SLFN14: variants seen among roughly 807,000 people sequenced by gnomAD.
The protein encoded by SLFN14 is schlafen family member 14, also known as protein SLFN14.
Under a neutral mutation model 58.6 loss-of-function variants are expected in SLFN14, and 47 were observed. That is an observed-to-expected ratio of 0.80 (90% confidence interval 0.64 to 1.02). The LOEUF is 1.02. Ranked by LOEUF, SLFN14 falls within the 50% of genes least tolerant of loss-of-function variation. The pLI is 0.00. For synonymous variants in SLFN14, 390 were observed against 387.3 expected, an observed-to-expected ratio of 1.01 and a Z score of -0.08; for missense variants, 967 against 1,078.4, an observed-to-expected ratio of 0.90 and a Z score of 1.45.
chr17:35,553,482 A>C, intron 4 of SLFN14, 38 bp from the exon 5 acceptor site: 1 of 1,448,880 alleles, frequency 6.9e-7, no homozygotes, highest in Non-Finnish European at 9.2e-7. Context: ...AAAACTTACA[A>C]AAGCATGTGG....
intron 1 of SLFN14, among the ~76,000 whole-genome samples, chr17:35,560,009 A>G (rs1341900268): frequency 6.6e-6 from 1 of 152,192 alleles, no homozygotes; most frequent in African/African-American, 2.4e-5. Flanking sequence ...TCTCCTCTAT[A>G]ATATTGCCAA....
At chr17:35,555,179 T>C (rs2072639517) in intron 3 of SLFN14, among the ~76,000 whole-genome samples, 1 of 152,038 alleles carries the variant, frequency 6.6e-6, no homozygotes, top group Non-Finnish European at 1.5e-5. Context: ...AAGACCATCC[T>C]GGCTAACACG....
intron 5 of SLFN14, among the ~76,000 whole-genome samples, chr17:35,551,839 A>G (rs1020084252): frequency 1.3e-5 from 2 of 152,264 alleles, no homozygotes; most frequent in African/African-American, 2.4e-5. Flanking sequence ...CGTAGAGCAG[A>G]GGAGCTTCAA....
chr17:35,544,090 G>C lies in SLFN14; in HGVS notation c.*4149C>G, dbSNP rs935363000. ...GGAACTTGGCTCCAGGCCATGAGTT[G>C]AGTTCAAGTTGGATTCACATATCTC... On this transcript the variant is annotated 3_prime_UTR_variant, in exon 6 of 6. Coordinates refer to ENST00000674182, the MANE Select transcript of SLFN14 (RefSeq NM_001129820.2). Among the ~76,000 whole-genome samples, 19 of 152,220 alleles carry C rather than the reference G, an allele frequency of 1.2e-4. No homozygotes were observed. Among genetic ancestry groups the C allele is most frequent in the Non-Finnish European group, 1.5e-5 (1 of 68,042 alleles).
chr17:35,548,824 A>T lies in SLFN14; in HGVS notation c.2154T>A (p.Pro718=). Residue 718 remains proline, a synonymous_variant, in exon 6 of 6, where the codon CCT becomes CCA. Transcript: ENST00000674182. ...IHHADVNGLP[P]PSAQFPRKTI... The stretch of plus-strand genomic sequence containing the variant: ...TTTTTCGAGGAAACTGAGCAGATGG[A>T]GGGGGAAGGCCATTGACATCTGCGT... The T allele has an allele frequency of 6.4e-7, 1 of 1,551,682 alleles. No homozygotes were observed. The highest frequency in any genetic ancestry group is 8.7e-7 in the Non-Finnish European group (1 of 1,146,978).
Position 35,553,106 on chromosome 17 carries a change from G to A in SLFN14, c.1528C>T (p.Pro510Ser). Reference protein sequence around the residue: ...GGYTGKVCIIPRLIHLSSTQS... With the variant: ...GGYTGKVCIISRLIHLSSTQS... The stretch of plus-strand genomic sequence containing the variant: ...GTGCTGCTCAGGTGTATCAGCCTTG[G>A]AATGATGCACACTTTCCCTGTGTAA... The change falls in exon 5 of 6, where the codon CCA becomes TCA. Residue 510 changes from proline to serine, a missense_variant. Transcript: ENST00000674182. 1.3e-6 allele frequency: 2 copies of A among 1,551,606 alleles called. No homozygotes were observed. The highest frequency in any genetic ancestry group is 1.7e-6 in the Non-Finnish European group (2 of 1,146,992).
Position 35,548,740 on chromosome 17 carries a change from C to T in SLFN14, c.2238G>A (p.Met746Ile), listed in dbSNP as rs915017541. 6.4e-7 allele frequency: 1 copy of T among 1,551,596 alleles called. No individual in the cohort carries two copies. Among genetic ancestry groups the T allele is most frequent in the African/African-American group, 1.4e-5 (1 of 73,044 alleles). ...LEIAKVMKEE[M>I]KRIKENPPSN... is the part of the protein sequence containing the mutation. ...AGGGAGGATTTTCTTTGATCCTCTT[C>T]ATTTCTTCTTTCATAACCTTCGCTA... The change falls in exon 6 of 6, where the codon ATG (methionine) becomes ATA (isoleucine). Residue 746 changes from methionine (M) to isoleucine (I), a missense_variant. Met to Ile is a conservative substitution (Grantham distance 10, BLOSUM62 1). Coordinates refer to ENST00000674182, the MANE Select transcript of SLFN14 (RefSeq NM_001129820.2).
In SLFN14 at chr17:35,548,985, C is replaced by T; in HGVS notation, c.1993G>A (p.Glu665Lys). The change falls in exon 6 of 6, where the codon GAG (glutamate) becomes AAG (lysine). Residue 665 changes from glutamate (E) to lysine (K), a missense_variant. Transcript: ENST00000674182. ...TTGCCATATTTGCTGCAGAAATTCT[C>T]AGTCTCATCCATCACTATGTGTTTA... ...KIKHIVMDET[E>K]NFCSKYGNWY... 6.4e-7 allele frequency: 1 copy of T among 1,551,732 alleles called. No individual in the cohort carries two copies. The highest frequency in any genetic ancestry group is 1.2e-5 in the South Asian group (1 of 84,070).
chr17:35,549,175 G>T, intron 5 of SLFN14, 102 bp from the exon 6 acceptor site: 1 of 902,798 alleles, frequency 1.1e-6, no homozygotes, highest in Non-Finnish European at 1.7e-6. Context: ...TCATCTGCAG[G>T]CTGAGTCATT....
intron 3 of SLFN14, 80 bp downstream of exon 3, chr17:35,556,923 A>T: frequency 7.9e-7 from 1 of 1,271,084 alleles, no homozygotes; most frequent in Non-Finnish European, 1.1e-6. Flanking sequence ...TTTAACTAAC[A>T]TATGTGATCA....
chr17:35,544,189 T>C lies in SLFN14; in HGVS notation c.*4050A>G, dbSNP rs1010342505. ...AAACCCGAGAGAGTAAACCCAATGC[T>C]GAAAGTCCATGTACAGCCTCTGTGC... On this transcript the variant is annotated 3_prime_UTR_variant, in exon 6 of 6. Transcript: ENST00000674182. Among the ~76,000 whole-genome samples, 2 of 152,160 alleles carry C rather than the reference T, an allele frequency of 1.3e-5. No individual in the cohort carries two copies. Among genetic ancestry groups the C allele is most frequent in the Admixed American group, 6.5e-5 (1 of 15,278 alleles).
Position 35,557,368 on chromosome 17 carries a change from A to G in SLFN14, c.695T>C (p.Val232Ala), listed in dbSNP as rs184533427. 30 of 1,551,726 alleles carry G rather than the reference A, an allele frequency of 1.9e-5. No individual in the cohort carries two copies. The highest frequency in any genetic ancestry group is 2.6e-5 in the Non-Finnish European group (30 of 1,147,002). ...CCCTTGAGTGTTGGCAAATGCAGAA[A>G]CATAATGAGGCAGCATTTCCTTAAT... ...PRIKEMLPHY[V>A]SAFANTQGGY... The change falls in exon 3 of 6, where the codon GTT becomes GCT. Residue 232 changes from valine (V) to alanine (A), a missense_variant. Val to Ala is a moderately conservative substitution (Grantham distance 64). Transcript: ENST00000674182.
chr17:35,550,335 CAGG>C (rs2072574053), intron 5 of SLFN14, among the ~76,000 whole-genome samples: 1 of 152,210 alleles, frequency 6.6e-6, no homozygotes. Context: ...CACCTGAGGT[CAGG>C]AGTTCAAGAC....
At chr17:35,549,620 A>G (rs1043653495) in intron 5 of SLFN14, among the ~76,000 whole-genome samples, 1 of 152,224 alleles carries the variant, frequency 6.6e-6, no homozygotes, top group African/African-American at 2.4e-5. Context: ...CTATGGGGCT[A>G]TGCCTCTTTG....
At position 35,547,323 on chromosome 17, in the gene SLFN14, T is replaced by C. The variant is rs1209368024; in HGVS notation, c.*916A>G. On this transcript the variant is annotated 3_prime_UTR_variant, in exon 6 of 6. Coordinates refer to ENST00000674182, the MANE Select transcript of SLFN14 (RefSeq NM_001129820.2). ...GAAATTATTGCAATCTTATTTTATA[T>C]TAAGTTGGTGCAAAAGTAATTGTGG... 1.3e-5 allele frequency among the ~76,000 whole-genome samples: 2 copies of C among 152,264 alleles called. No homozygotes were observed. Among genetic ancestry groups the C allele is most frequent in the Non-Finnish European group, 2.9e-5 (2 of 68,042 alleles).
At chr17:35,550,180 C>A (rs899691177) in intron 5 of SLFN14, among the ~76,000 whole-genome samples, 1 of 152,230 alleles carries the variant, frequency 6.6e-6, no homozygotes, top group African/African-American at 2.4e-5. Context: ...ACTTCTCCTG[C>A]TGACTTCTTA....
intron 5 of SLFN14, among the ~76,000 whole-genome samples, chr17:35,552,381 C>A (rs2072598531): frequency 6.6e-6 from 1 of 152,036 alleles, no homozygotes; most frequent in Non-Finnish European, 1.5e-5. Context: ...TCACACCCGA[C>A]CAATCAGATA....
chr17:35,557,644 T>C lies in SLFN14; in HGVS notation c.419A>G (p.Asn140Ser), dbSNP rs1057317568. The C allele has an allele frequency of 7.1e-6, 11 of 1,551,700 alleles. No homozygotes were observed. The highest frequency in any genetic ancestry group is 9.6e-6 in the Non-Finnish European group (11 of 1,146,980). Reference protein sequence around the residue: ...LYRRDVTSAINLSASSALELL... With the variant: ...LYRRDVTSAISLSASSALELL... ...CTCCAGGGCACTGCTAGCACTCAAGTTGATAGCAGAAGTCACATCTCTCCG... is the reference window on the plus strand; with the variant it reads ...CTCCAGGGCACTGCTAGCACTCAAGCTGATAGCAGAAGTCACATCTCTCCG... The change falls in exon 3 of 6, where the codon AAC becomes AGC. Residue 140 changes from asparagine to serine, a missense_variant. Transcript: ENST00000674182.
rs1355954643 is a variant in SLFN14 at position 35,548,784 on chromosome 17, T to C, written c.2194A>G (p.Ile732Val). The C allele has an allele frequency of 1.3e-6, 2 of 1,551,728 alleles. No individual in the cohort carries two copies. Among genetic ancestry groups the C allele is most frequent in the South Asian group, 2.4e-5 (2 of 84,064 alleles). Residue 732 changes from isoleucine (I) to valine (V), a missense_variant, in exon 6 of 6, where the codon ATC (isoleucine) becomes GTC (valine). By Grantham distance (29) the Ile-to-Val change is conservative (BLOSUM62 3). Coordinates refer to ENST00000674182, the MANE Select transcript of SLFN14 (RefSeq NM_001129820.2). Reference protein sequence around the residue: ...QFPRKTITSGIHCALEIAKVM... With the variant: ...QFPRKTITSGVHCALEIAKVM... Reference sequence around the variant, plus strand: ...TTCGCTATTTCCAGAGCACAGTGGATCCCACTGGTGATTGTTTTTCGAGGA... The same window carrying C: ...TTCGCTATTTCCAGAGCACAGTGGACCCCACTGGTGATTGTTTTTCGAGGA...
Sources: gnomAD v4.1 joint callset for allele counts (sites outside exome capture counted in the v4.1 genomes callset) on GRCh38, gnomAD v4.1.1 for gene constraint, MANE v1.5 for transcripts, NCBI Gene and HGNC (gene_info 2026-07-23, HGNC 2026-07-21) for gene names.